The following MACROD2 variants were observed in gnomAD, a reference collection of about 807,000 sequenced individuals.
The protein encoded by MACROD2 is ADP-ribose glycohydrolase MACROD2.
Under a neutral mutation model 70.4 loss-of-function variants are expected in MACROD2, and 36 were observed. The observed-to-expected ratio is 0.51, with a 90% CI of 0.39 to 0.68. MACROD2 has a LOEUF of 0.68. MACROD2 is among the 30% of genes least tolerant of loss of function. MACROD2 has a pLI of 0.00. For missense variants in MACROD2, 496 were observed against 538.4 expected, an observed-to-expected ratio of 0.92 and a Z score of 0.78; for synonymous variants, 172 against 178.8, an observed-to-expected ratio of 0.96 and a Z score of 0.30.
chr20:14,595,648 CG>C (rs1247889695), intron 4 of MACROD2, among the ~76,000 whole-genome samples: 1 of 152,106 alleles, frequency 6.6e-6, no homozygotes, highest in Non-Finnish European at 1.5e-5. Context: ...TATGTCGAGT[CG>C]AATTTTCTCT....
At chr20:14,465,951 C>T (rs2084441208) in intron 3 of MACROD2, among the ~76,000 whole-genome samples, 1 of 152,126 alleles carries the variant, frequency 6.6e-6, no homozygotes, top group Admixed American at 6.5e-5. Context: ...ACCTTTCTCT[C>T]TGGCTGCCCT....
chr20:14,105,853 C>T (rs1042216486), intron 3 of MACROD2, among the ~76,000 whole-genome samples: 4 of 152,166 alleles, frequency 2.6e-5, no homozygotes, highest in Non-Finnish European at 5.9e-5. Flanking sequence ...GTGAGGCCCC[C>T]TTTCTGGCCC....
chr20:15,251,172 G>A (rs887924214), intron 6 of MACROD2, among the ~76,000 whole-genome samples: 3 of 152,104 alleles, frequency 2.0e-5, no homozygotes, highest in Non-Finnish European at 2.9e-5. Flanking sequence ...ATCAAAATTG[G>A]GCTGAATGCA....
intron 6 of MACROD2, among the ~76,000 whole-genome samples, chr20:15,347,601 A>G (rs1194857752): frequency 6.6e-6 from 1 of 152,190 alleles, no homozygotes; most frequent in Admixed American, 6.5e-5. Context: ...ATTGTAAGCC[A>G]TTCCTTCATG....
At chr20:15,026,165 C>T (rs985719281) in intron 5 of MACROD2, among the ~76,000 whole-genome samples, 1 of 152,280 alleles carries the variant, frequency 6.6e-6, no homozygotes, top group Admixed American at 6.5e-5. Flanking sequence ...TGGTCTCTTT[C>T]CTCTGAATGT....
chr20:15,684,862 C>G (rs1371294735), intron 8 of MACROD2, among the ~76,000 whole-genome samples: 2 of 152,070 alleles, frequency 1.3e-5, no homozygotes, highest in African/African-American at 4.8e-5. Flanking sequence ...TTAGACCATA[C>G]ATAGCGTTAT....
At chr20:15,476,580 G>T (rs942010165) in intron 7 of MACROD2, among the ~76,000 whole-genome samples, 1 of 141,648 alleles carries the variant, frequency 7.1e-6, no homozygotes, top group Non-Finnish European at 1.6e-5. Flanking sequence ...GCCCCCCCCC[G>T]GTAAGTCTGT....
rs2081241170 is a variant in MACROD2, at chr20:14,173,657, G to A, written c.271+87929G>A. On this transcript the variant is annotated intron_variant, in intron 3 of 17. Transcript: ENST00000684519. ...ATCTTGGTTTGGATCTATTGCTGGT[G>A]AGCTAGTGTGGTCTTTTGGGAGTGT... 3.9e-5 allele frequency among the ~76,000 whole-genome samples: 6 copies of A among 152,264 alleles called. No individual in the cohort carries two copies. In the South Asian group the frequency reaches 1.2e-3, roughly 32 times the overall value.
chr20:14,053,639 C>G (rs1053484016), intron 2 of MACROD2: 2 of 152,084 alleles, frequency 1.3e-5, no homozygotes, highest in African/African-American at 4.8e-5. Context: ...TGCTCAAAAC[C>G]AACTATTGTG....
In MACROD2 at chr20:15,531,915, A is replaced by G. The variant is rs375391700; in HGVS notation, c.645+32068A>G. 4.6e-4 allele frequency among the ~76,000 whole-genome samples: 70 copies of G among 152,302 alleles called. No individual in the cohort carries two copies. The Middle Eastern group carries it at 0.01, about 22-fold the overall frequency. ...TGGTTGGTCTTGTGTTATACAGTTCATGAATACATAAATAAAATTCGTGTG... is the reference window on the plus strand; with the variant it reads ...TGGTTGGTCTTGTGTTATACAGTTCGTGAATACATAAATAAAATTCGTGTG... On this transcript the variant is annotated intron_variant, in intron 8 of 17. Transcript: ENST00000684519.
chr20:14,092,318 T>C (rs1449476222), intron 3 of MACROD2, among the ~76,000 whole-genome samples: 4 of 152,166 alleles, frequency 2.6e-5, no homozygotes, highest in African/African-American at 9.7e-5. Flanking sequence ...TGGTGAAATA[T>C]CAGTTCATAT....
chr20:15,239,105 T>G (rs538507281), intron 6 of MACROD2, among the ~76,000 whole-genome samples: 1 of 152,204 alleles, frequency 6.6e-6, no homozygotes, highest in East Asian at 1.9e-4. Flanking sequence ...TGGGCAATTT[T>G]GGCATATATC....
intron 8 of MACROD2, among the ~76,000 whole-genome samples, chr20:15,649,177 T>C (rs1253102910): frequency 1.4e-5 from 2 of 145,014 alleles, no homozygotes; most frequent in African/African-American, 5.0e-5. Flanking sequence ...TCTTTCTCTT[T>C]CTCCTTCTTT....
chr20:14,834,455 C>T (rs1406071379), intron 5 of MACROD2, among the ~76,000 whole-genome samples: 2 of 151,666 alleles, frequency 1.3e-5, no homozygotes, highest in Admixed American at 6.6e-5. Context: ...AAGATTGATC[C>T]GTAGTGGTAT....
chr20:14,863,150 C>T (rs1179508248), intron 5 of MACROD2, among the ~76,000 whole-genome samples: 1 of 152,096 alleles, frequency 6.6e-6, no homozygotes, highest in Non-Finnish European at 1.5e-5. Flanking sequence ...CACCCTAAGC[C>T]TCTCATTTCA....
intron 5 of MACROD2, among the ~76,000 whole-genome samples, chr20:15,111,370 C>T (rs1193282372): frequency 6.6e-6 from 1 of 151,960 alleles, no homozygotes; most frequent in Non-Finnish European, 1.5e-5. Context: ...ATGGGTTTCA[C>T]CATGTTGGCC....
At chr20:14,945,178 C>A (rs1367599059) in intron 5 of MACROD2, among the ~76,000 whole-genome samples, 1 of 151,326 alleles carries the variant, frequency 6.6e-6, no homozygotes, top group Non-Finnish European at 1.5e-5. Flanking sequence ...GTGCAGTGGG[C>A]CTGATCTTGG....
chr20:15,805,124 T>C (rs1447209769), intron 8 of MACROD2, among the ~76,000 whole-genome samples: 1 of 152,150 alleles, frequency 6.6e-6, no homozygotes, highest in East Asian at 1.9e-4. Context: ...TAAATCTGTG[T>C]CTTTGGGGTC....
chr20:15,570,323 C>T (rs2048360789), intron 8 of MACROD2, among the ~76,000 whole-genome samples: 1 of 152,112 alleles, frequency 6.6e-6, no homozygotes, highest in Non-Finnish European at 1.5e-5. Flanking sequence ...TCATGTAGCT[C>T]TTAGAATGTT....
Sources: allele counts gnomAD v4.1 joint callset (sites outside exome capture counted in the v4.1 genomes callset), GRCh38; gene constraint gnomAD v4.1.1; transcripts MANE v1.5; gene names NCBI Gene and HGNC (gene_info 2026-07-23, HGNC 2026-07-21).